Variants in LRP1B observed in about 807,000 individuals in gnomAD.
LRP1B encodes the protein low-density lipoprotein receptor-related protein 1B.
LRP1B carries 217 observed loss-of-function variants against 556.6 expected under a neutral mutation model. The observed-to-expected ratio is 0.39, with a 90% CI of 0.35 to 0.44. LRP1B has a LOEUF of 0.44. LRP1B is among the 20% of genes least tolerant of loss of function. The pLI is 1.00. For missense variants in LRP1B, 5,053 were observed against 5,620.8 expected, an observed-to-expected ratio of 0.90 and a Z score of 3.23; for synonymous variants, 2,047 against 1,865.8, an observed-to-expected ratio of 1.10 and a Z score of -2.50.
At chr2:141,910,206 T>C (rs1699872235) in intron 1 of LRP1B, among the ~76,000 whole-genome samples, 1 of 152,002 alleles carries the variant, frequency 6.6e-6, no homozygotes, top group Non-Finnish European at 1.5e-5. Context: ...CATTTTCTCT[T>C]TGAAACCAAA....
At chr2:140,632,276 G>A (rs559810724) in intron 41 of LRP1B, among the ~76,000 whole-genome samples, 1 of 151,964 alleles carries the variant, frequency 6.6e-6, no homozygotes, top group African/African-American at 2.4e-5. Flanking sequence ...TCTGATAGCT[G>A]TTTTTTTAAA....
intron 3 of LRP1B, among the ~76,000 whole-genome samples, chr2:141,359,433 C>T (rs927402512): frequency 2.0e-5 from 3 of 152,000 alleles, no homozygotes; most frequent in Non-Finnish European, 2.9e-5. Context: ...AAATGACTTA[C>T]GAGGAAAAGC....
chr2:140,918,763 GCATAT>G (rs1373974653), intron 21 of LRP1B, among the ~76,000 whole-genome samples: 1 of 152,002 alleles, frequency 6.6e-6, no homozygotes, highest in African/African-American at 2.4e-5. Flanking sequence ...AGTAGAGTTG[GCATAT>G]CATAAGAAGA....
At chr2:140,560,906 T>A (rs1321557858) in intron 43 of LRP1B, among the ~76,000 whole-genome samples, 1 of 152,176 alleles carries the variant, frequency 6.6e-6, no homozygotes, top group African/African-American at 2.4e-5. Context: ...CAACTATATA[T>A]ATACATGTTT....
At chr2:141,799,150 G>A (rs927730261) in intron 2 of LRP1B, among the ~76,000 whole-genome samples, 6 of 152,064 alleles carry the variant, frequency 3.9e-5, no homozygotes, top group Admixed American at 3.3e-4. Flanking sequence ...AGACGAATAC[G>A]CTATGTTAGT....
chr2:141,442,422 ATTCT>A (rs1681012746), intron 3 of LRP1B, among the ~76,000 whole-genome samples: 1 of 123,376 alleles, frequency 8.1e-6, no homozygotes, highest in Non-Finnish European at 1.7e-5. Flanking sequence ...ATCTTCACAC[ATTCT>A]TTTTTTTTTT....
intron 86 of LRP1B, among the ~76,000 whole-genome samples, chr2:140,269,075 G>A (rs1395933026): frequency 6.6e-6 from 1 of 151,738 alleles, no homozygotes; most frequent in African/African-American, 2.4e-5. Flanking sequence ...TTATATTTCT[G>A]GACACTCTAG....
At chr2:141,004,312 G>A (rs1451400770) in intron 15 of LRP1B, among the ~76,000 whole-genome samples, 2 of 152,094 alleles carry the variant, frequency 1.3e-5, no homozygotes, top group Non-Finnish European at 2.9e-5. Context: ...GAAGTAGACT[G>A]CCCTCAGTCG....
chr2:141,222,677 T>G (rs1185588868), intron 6 of LRP1B, among the ~76,000 whole-genome samples: 1 of 152,170 alleles, frequency 6.6e-6, no homozygotes, highest in Non-Finnish European at 1.5e-5. Context: ...CAAAAGTTTA[T>G]CTACCACAAT....
intron 18 of LRP1B, among the ~76,000 whole-genome samples, chr2:140,981,876 A>G (rs762402383): frequency 2.6e-5 from 4 of 152,166 alleles, no homozygotes; most frequent in Admixed American, 6.6e-5. Flanking sequence ...AACATTTGAG[A>G]GTGTCCTGTT....
chr2:140,972,980 AATAC>A (rs1696478594), intron 18 of LRP1B, among the ~76,000 whole-genome samples: 1 of 147,094 alleles, frequency 6.8e-6, no homozygotes, highest in Non-Finnish European at 1.5e-5. Context: ...CATATATGTA[AATAC>A]ATATATATTT....
At chr2:142,015,337 G>A (rs1287772796) in intron 1 of LRP1B, among the ~76,000 whole-genome samples, 3 of 152,092 alleles carry the variant, frequency 2.0e-5, no homozygotes, top group Non-Finnish European at 2.9e-5. Flanking sequence ...AACTGAAACT[G>A]GACCCCTTTC....
chr2:140,324,470 C>CAAATGACTGGTTTAT (rs1277285923), intron 80 of LRP1B, among the ~76,000 whole-genome samples: 1 of 152,010 alleles, frequency 6.6e-6, no homozygotes, highest in Non-Finnish European at 1.5e-5. Flanking sequence ...ATTACATGCC[C>CAAATGACTGGTTTAT]AAATGACTGG....
At position 141,398,706 on chromosome 2, in the gene LRP1B, TA is replaced by T. The variant is rs796826737; in HGVS notation, c.343+81689del. Among the ~76,000 whole-genome samples, 24 of 152,306 alleles carry T rather than the reference TA, an allele frequency of 1.6e-4. 1 individual carries two copies. The highest frequency in any genetic ancestry group is 5.8e-4 in the African/African-American group (24 of 41,572). On this transcript the variant is annotated intron_variant, in intron 3 of 90. Coordinates refer to ENST00000389484, the MANE Select transcript of LRP1B (RefSeq NM_018557.3). ...ATACCATATGGTTTCTTAACTGCCA[TA>T]ATGTTTTCCCGCTATTAGGCAGAAA...
At chr2:140,893,565 GT>G (rs1321810315) in intron 23 of LRP1B, among the ~76,000 whole-genome samples, 2 of 152,126 alleles carry the variant, frequency 1.3e-5, no homozygotes, top group African/African-American at 2.4e-5. Flanking sequence ...CTTCATTTCC[GT>G]AGGTATAAAA....
At chr2:141,685,973 T>C (rs1489497560) in intron 2 of LRP1B, among the ~76,000 whole-genome samples, 1 of 152,060 alleles carries the variant, frequency 6.6e-6, no homozygotes, top group East Asian at 1.9e-4. Context: ...TCCAAACAAT[T>C]TCTCAGGTAA....
intron 43 of LRP1B, among the ~76,000 whole-genome samples, chr2:140,579,584 GT>G (rs1287358901): frequency 1.7e-4 from 26 of 152,278 alleles, no homozygotes; most frequent in African/African-American, 6.3e-4. Context: ...GCTCAGGCCT[GT>G]AATCTCAGCC....
At chr2:140,985,440 G>A (rs1010020760) in intron 17 of LRP1B, among the ~76,000 whole-genome samples, 12 of 151,098 alleles carry the variant, frequency 7.9e-5, no homozygotes, top group South Asian at 6.3e-4. Flanking sequence ...TAACCAGAGC[G>A]CTATGGTGGG....
Position 141,766,992 on chromosome 2 carries a change from A to C in LRP1B, c.205+43287T>G, listed in dbSNP as rs1694752847. Among the ~76,000 whole-genome samples, 3 of 152,196 alleles carry C rather than the reference A, an allele frequency of 2.0e-5. No individual in the cohort carries two copies. In the South Asian group the frequency reaches 6.2e-4, roughly 32 times the overall value. ...CCTCTTTGCACAAATCTTATACAAA[A>C]GGAGAGAACATAACAATTTTTTATT... On this transcript the variant is annotated intron_variant, in intron 2 of 90. Coordinates refer to ENST00000389484, the MANE Select transcript of LRP1B (RefSeq NM_018557.3).
Sources: gnomAD v4.1 joint callset for allele counts (sites outside exome capture counted in the v4.1 genomes callset) on GRCh38, gnomAD v4.1.1 for gene constraint, MANE v1.5 for transcripts, NCBI Gene and HGNC (gene_info 2026-07-23, HGNC 2026-07-21) for gene names.